The following XDH variants were observed in gnomAD, a reference collection of about 807,000 sequenced individuals.
XDH encodes the protein xanthine dehydrogenase/oxidase.
XDH carries 138 observed loss-of-function variants against 156.1 expected under a neutral mutation model. The ratio of observed to expected loss-of-function variants is 0.88; its 90% CI spans 0.77 to 1.02. XDH has a LOEUF of 1.02. Among genes scored for constraint, XDH ranks in the 50% least tolerant of loss-of-function variants. The pLI is 0.00. For missense variants in XDH, 1,849 were observed against 1,684.9 expected (o/e 1.10, Z -1.71); for synonymous variants, 669 against 625.7 (o/e 1.07, Z -1.03).
At chr2:31,348,130 C>T (rs1685351332) in intron 28 of XDH, 138 bp downstream of exon 28, 6 of 873,320 alleles carry the variant, frequency 6.9e-6, no homozygotes, top group Non-Finnish European at 7.5e-6. Flanking sequence ...AAAAGACTTG[C>T]CCGAGGCTAC....
chr2:31,386,849 A>G (rs1407714525), intron 8 of XDH, among the ~76,000 whole-genome samples: 1 of 52,000 alleles, frequency 1.9e-5, no homozygotes, highest in Non-Finnish European at 3.7e-5. Context: ...GGGGTCCCCA[A>G]CAGACCTGGC....
chr2:31,394,285 G>A (rs1302955917), intron 6 of XDH, among the ~76,000 whole-genome samples: 3 of 152,138 alleles, frequency 2.0e-5, no homozygotes, highest in Admixed American at 6.5e-5. Flanking sequence ...GGATACTTAC[G>A]GAGGTTACAG....
At chr2:31,386,675 G>GGAA in intron 8 of XDH, 120 bp from the exon 9 acceptor site, 1 of 1,356,220 alleles carries the variant, frequency 7.4e-7, no homozygotes, top group South Asian at 1.2e-5. Flanking sequence ...ATATCTAACA[G>GGAA]GAAGAAGCAA....
chr2:31,410,544 C>T (rs978634031), intron 1 of XDH, among the ~76,000 whole-genome samples: 16 of 152,042 alleles, frequency 1.1e-4, no homozygotes, highest in African/African-American at 3.1e-4. Flanking sequence ...AGTGAAGAAA[C>T]GTGGTGGATA....
chr2:31,386,280 C>T (rs930810735), intron 9 of XDH, 134 bp downstream of exon 9: 1 of 1,236,856 alleles, frequency 8.1e-7, no homozygotes, highest in African/African-American at 1.5e-5. Context: ...TTCCAGTGGG[C>T]TCCAGGTAGT....
intron 16 of XDH, among the ~76,000 whole-genome samples, chr2:31,372,641 A>T (rs1468999623): frequency 7.9e-5 from 12 of 152,256 alleles, no homozygotes; most frequent in Admixed American, 7.9e-4. Context: ...CTAATTGGGG[A>T]TTGGGTAAAT....
Position 31,375,416 on chromosome 2 carries a change from T to A in XDH, c.1566A>T (p.Thr522=). 1 of 1,614,212 alleles carries A rather than the reference T, an allele frequency of 6.2e-7. No homozygotes were observed. Among genetic ancestry groups the A allele is most frequent in the Non-Finnish European group, 8.5e-7 (1 of 1,180,028 alleles). The change falls in exon 15 of 36, where the codon ACA becomes ACT. Residue 522 remains threonine (T), a synonymous_variant. Transcript: ENST00000379416. ...TLSFFFKFYL[T]VLQKLGQENL... ...TCTCTTGGCCCAGCTTCTGAAGGACTGTCAGGTAGAACTTGAAGAAGAAGC... is the reference window on the plus strand; with the variant it reads ...TCTCTTGGCCCAGCTTCTGAAGGACAGTCAGGTAGAACTTGAAGAAGAAGC...
At chr2:31,399,764 T>C (rs1296905224) in intron 4 of XDH, among the ~76,000 whole-genome samples, 1 of 152,202 alleles carries the variant, frequency 6.6e-6, no homozygotes, top group Non-Finnish European at 1.5e-5. Context: ...CTCATTTCTC[T>C]TGTCTGCCAC....
chr2:31,369,110 T>G (rs1686002559), intron 18 of XDH, among the ~76,000 whole-genome samples: 2 of 152,156 alleles, frequency 1.3e-5, no homozygotes, highest in South Asian at 4.1e-4. Flanking sequence ...TTATTTTCTT[T>G]TCACCTCACC....
At chr2:31,377,319 A>G (rs1686271850) in intron 13 of XDH, 82 bp from the exon 14 acceptor site, 5 of 1,484,820 alleles carry the variant, frequency 3.4e-6, no homozygotes, top group African/African-American at 1.4e-5. Context: ...CAGGGCTATG[A>G]GGTGAGGTGA....
chr2:31,413,865 T>A (rs770305414), intron 1 of XDH, among the ~76,000 whole-genome samples: 1 of 152,164 alleles, frequency 6.6e-6, no homozygotes, highest in African/African-American at 2.4e-5. Context: ...CCATGTAATA[T>A]GCTTGCCCCC....
intron 26 of XDH, 127 bp downstream of exon 26, chr2:31,349,559 T>G: frequency 7.3e-7 from 1 of 1,372,788 alleles, no homozygotes; most frequent in Non-Finnish European, 1.0e-6. Context: ...TGGCTGTGAA[T>G]GAGTTGGCAA....
chr2:31,344,941 C>A (rs1685241158), intron 30 of XDH, among the ~76,000 whole-genome samples: 1 of 152,222 alleles, frequency 6.6e-6, no homozygotes, highest in African/African-American at 2.4e-5. Context: ...ACTGTAGTCA[C>A]CTCTTAACTG....
chr2:31,336,125 C>T, intron 35 of XDH, 117 bp from the exon 36 acceptor site: 1 of 1,095,626 alleles, frequency 9.1e-7, no homozygotes, highest in South Asian at 1.2e-5. Context: ...AAGCACCACT[C>T]TGCAGGCCTA....
chr2:31,406,581 C>T (rs1426016568), intron 1 of XDH, among the ~76,000 whole-genome samples: 1 of 152,176 alleles, frequency 6.6e-6, no homozygotes, highest in Non-Finnish European at 1.5e-5. Flanking sequence ...TCCTTAAATT[C>T]TAAAATTGTA....
intron 1 of XDH, among the ~76,000 whole-genome samples, chr2:31,412,470 C>T (rs1243038874): frequency 1.3e-5 from 2 of 151,666 alleles, no homozygotes; most frequent in Admixed American, 6.6e-5. Flanking sequence ...CATCACACAC[C>T]GGGGCCTGTC....
At chr2:31,372,710 A>G (rs1016540449) in intron 16 of XDH, among the ~76,000 whole-genome samples, 7 of 152,236 alleles carry the variant, frequency 4.6e-5, no homozygotes, top group African/African-American at 1.4e-4. Context: ...ACTTTTGAAG[A>G]ACTTTAATTA....
At chr2:31,338,073 G>A (rs1685015845) in intron 34 of XDH, among the ~76,000 whole-genome samples, 1 of 152,208 alleles carries the variant, frequency 6.6e-6, no homozygotes, top group Non-Finnish European at 1.5e-5. Context: ...TTTCTCTGAT[G>A]ACATCATGCA....
At chr2:31,349,164 C>A (rs1473921414) in intron 26 of XDH, among the ~76,000 whole-genome samples, 184 bp from the exon 27 acceptor site, 1 of 152,214 alleles carries the variant, frequency 6.6e-6, no homozygotes, top group Non-Finnish European at 1.5e-5. Flanking sequence ...GCAACCCGTA[C>A]TGGGTCAGAG....
Sources: allele counts gnomAD v4.1 joint callset (sites outside exome capture counted in the v4.1 genomes callset), GRCh38; gene constraint gnomAD v4.1.1; transcripts MANE v1.5; gene names NCBI Gene and HGNC (gene_info 2026-07-23, HGNC 2026-07-21).